Variants in EYS observed in about 807,000 individuals in gnomAD.
The protein encoded by EYS is protein eyes shut homolog.
In EYS, 250 loss-of-function variants were observed where a neutral mutation model predicts 282.1. The ratio of observed to expected loss-of-function variants is 0.89; its 90% CI spans 0.80 to 0.98. The LOEUF (loss-of-function observed/expected upper bound fraction) is 0.98. Ranked by LOEUF, EYS falls within the 50% of genes least tolerant of loss-of-function variation. The pLI is 0.00. For synonymous variants in EYS, 1,355 were observed against 1,282.9 expected, an observed-to-expected ratio of 1.06 and a Z score of -1.20; for missense variants, 4,016 against 3,709.0, an observed-to-expected ratio of 1.08 and a Z score of -2.15.
At chr6:65,539,223 T>G (rs961023817) in intron 2 of EYS, among the ~76,000 whole-genome samples, 1 of 152,216 alleles carries the variant, frequency 6.6e-6, no homozygotes, top group African/African-American at 2.4e-5. Flanking sequence ...TTTCCAAAAT[T>G]ATTTGACCTC....
At chr6:64,736,672 C>T (rs530577296) in intron 22 of EYS, among the ~76,000 whole-genome samples, 26 of 152,096 alleles carry the variant, frequency 1.7e-4, no homozygotes, top group South Asian at 6.2e-4. Context: ...ATTTCTATTG[C>T]GAAATGAGTC....
intron 9 of EYS, among the ~76,000 whole-genome samples, chr6:65,345,714 C>T (rs1340247036): frequency 6.6e-6 from 1 of 151,316 alleles, no homozygotes; most frequent in Non-Finnish European, 1.5e-5. Flanking sequence ...TAACTCTTAA[C>T]GTCTTCCCTC....
intron 36 of EYS, among the ~76,000 whole-genome samples, chr6:63,831,979 C>T (rs968220126): frequency 3.3e-5 from 5 of 151,938 alleles, no homozygotes; most frequent in African/African-American, 1.2e-4. Context: ...GGGTACATAA[C>T]GAAATGAAGG....
intron 41 of EYS, among the ~76,000 whole-genome samples, chr6:63,743,147 A>AT (rs952298433): frequency 1.3e-5 from 2 of 152,180 alleles, no homozygotes; most frequent in African/African-American, 2.4e-5. Flanking sequence ...CATTGTCATT[A>AT]TTTTTTAATT....
intron 22 of EYS, among the ~76,000 whole-genome samples, chr6:64,665,220 A>G (rs1431639302): frequency 6.6e-6 from 1 of 152,252 alleles, no homozygotes; most frequent in African/African-American, 2.4e-5. Context: ...GTAAATTCAC[A>G]TATGTGTTTT....
chr6:64,962,595 C>A (rs2150106775), intron 14 of EYS, among the ~76,000 whole-genome samples: 1 of 151,608 alleles, frequency 6.6e-6, no homozygotes, highest in South Asian at 2.1e-4. Context: ...AAAAAAAAAG[C>A]TTGTCATGGT....
At chr6:63,984,836 G>A (rs905164650) in intron 34 of EYS, among the ~76,000 whole-genome samples, 3 of 151,560 alleles carry the variant, frequency 2.0e-5, no homozygotes, top group Non-Finnish European at 4.4e-5. Flanking sequence ...ATAATATTTA[G>A]CAGAAAAATA....
chr6:64,876,935 G>A (rs995282413), intron 19 of EYS, among the ~76,000 whole-genome samples: 1 of 152,098 alleles, frequency 6.6e-6, no homozygotes, highest in Non-Finnish European at 1.5e-5. Flanking sequence ...TTTTGAACAT[G>A]GGAGTGAAGT....
In EYS at chr6:65,429,211, T is replaced by C. The variant is rs531177756; in HGVS notation, c.863-23844A>G. Among the ~76,000 whole-genome samples, 38 of 151,966 alleles carry C rather than the reference T, an allele frequency of 2.5e-4. 1 individual carries two copies. The highest frequency in any genetic ancestry group is 1.2e-3 in the South Asian group (6 of 4,816). Reference sequence around the variant, plus strand: ...AAAAAATGTTCTGGCACAACACTTGTAGCAACAGTTAACTGGAAGAGAAAT... The same window carrying C: ...AAAAAATGTTCTGGCACAACACTTGCAGCAACAGTTAACTGGAAGAGAAAT... On this transcript the variant is annotated intron_variant, in intron 5 of 42. Transcript: ENST00000503581.
intron 22 of EYS, among the ~76,000 whole-genome samples, chr6:64,706,546 C>A (rs1006680164): frequency 3.3e-5 from 5 of 151,914 alleles, no homozygotes; most frequent in African/African-American, 1.2e-4. Context: ...GGGAGAAAAT[C>A]TTCACAATCT....
chr6:65,361,587 C>T (rs1353831474), intron 8 of EYS, among the ~76,000 whole-genome samples: 1 of 151,582 alleles, frequency 6.6e-6, no homozygotes, highest in Non-Finnish European at 1.5e-5. Context: ...GGGCTCAAGT[C>T]ATCTGCCCAT....
intron 31 of EYS, among the ~76,000 whole-genome samples, chr6:64,097,802 G>T (rs901764022): frequency 3.2e-4 from 48 of 152,118 alleles, no homozygotes; most frequent in African/African-American, 1.1e-3. Flanking sequence ...GGAAGGAGGA[G>T]AATATGGAAG....
intron 9 of EYS, among the ~76,000 whole-genome samples, chr6:65,344,661 T>C (rs1316907175): frequency 6.6e-6 from 1 of 151,514 alleles, no homozygotes; most frequent in Non-Finnish European, 1.5e-5. Context: ...ATATTAAACT[T>C]TCTGAAAAAT....
intron 2 of EYS, among the ~76,000 whole-genome samples, chr6:65,553,435 A>G (rs1311578648): frequency 6.6e-6 from 1 of 152,194 alleles, no homozygotes; most frequent in Non-Finnish European, 1.5e-5. Flanking sequence ...AGCATCTAAA[A>G]CAAGAATCTG....
intron 22 of EYS, among the ~76,000 whole-genome samples, chr6:64,795,726 C>T (rs910274401): frequency 6.6e-6 from 1 of 152,140 alleles, no homozygotes; most frequent in Non-Finnish European, 1.5e-5. Context: ...CTTCAGTGGG[C>T]AGGTAAACTC....
chr6:63,744,170 A>G (rs1769153686), intron 41 of EYS: 1 of 152,176 alleles, frequency 6.6e-6, no homozygotes. Context: ...CATACTCCAT[A>G]TCTTGCTTGT....
intron 36 of EYS, among the ~76,000 whole-genome samples, chr6:63,808,264 T>C (rs1770956301): frequency 6.6e-6 from 1 of 152,174 alleles, no homozygotes; most frequent in African/African-American, 2.4e-5. Flanking sequence ...AAACAGCATG[T>C]CATACTCAGG....
chr6:64,391,667 A>G (rs1427075655), intron 28 of EYS, among the ~76,000 whole-genome samples: 1 of 152,162 alleles, frequency 6.6e-6, no homozygotes, highest in African/African-American at 2.4e-5. Flanking sequence ...GCCGCTGCAA[A>G]ATCATGCCAA....
intron 12 of EYS, among the ~76,000 whole-genome samples, chr6:65,161,207 G>T (rs1764843264): frequency 6.6e-6 from 1 of 151,002 alleles, no homozygotes; most frequent in Non-Finnish European, 1.5e-5. Flanking sequence ...TCTGTCTAAA[G>T]ATATTGTTTT....
Sources: allele counts gnomAD v4.1 joint callset (sites outside exome capture counted in the v4.1 genomes callset), GRCh38; gene constraint gnomAD v4.1.1; transcripts MANE v1.5; gene names NCBI Gene and HGNC (gene_info 2026-07-23, HGNC 2026-07-21).